The following SNTG1 variants were observed in gnomAD, a reference collection of about 807,000 sequenced individuals.
SNTG1 encodes the protein gamma-1-syntrophin.
Under a neutral mutation model 74.7 loss-of-function variants are expected in SNTG1, and 39 were observed. The observed-to-expected ratio is 0.52, with a 90% CI of 0.40 to 0.68. The LOEUF is 0.68. SNTG1 is among the 30% of genes least tolerant of loss of function. The probability of loss-of-function intolerance (pLI) is 0.00; values close to 1 mark genes in which losing one functional copy is unlikely to be tolerated. For missense variants in SNTG1, 685 were observed against 609.5 expected (o/e 1.12, Z -1.30); for synonymous variants, 254 against 217.1 (o/e 1.17, Z -1.49).
At chr8:50,242,315 AGTC>A (rs971269994) in intron 2 of SNTG1, among the ~76,000 whole-genome samples, 2 of 151,784 alleles carry the variant, frequency 1.3e-5, no homozygotes, top group African/African-American at 4.8e-5. Context: ...AATCGCTTGA[AGTC>A]AGGAGTTCAA....
intron 15 of SNTG1, among the ~76,000 whole-genome samples, chr8:50,694,987 A>G (rs565134084): frequency 6.6e-6 from 1 of 152,068 alleles, no homozygotes; most frequent in Admixed American, 6.5e-5. Context: ...TATTCTCAAC[A>G]AGGAAAAGTT....
chr8:49,998,249 G>A (rs961344715), intron 1 of SNTG1, among the ~76,000 whole-genome samples: 4 of 152,120 alleles, frequency 2.6e-5, no homozygotes, highest in South Asian at 2.1e-4. Flanking sequence ...GACTTGCCGT[G>A]GCTCTGGATA....
intron 2 of SNTG1, among the ~76,000 whole-genome samples, chr8:50,235,535 A>G (rs931174836): frequency 6.6e-6 from 1 of 152,222 alleles, no homozygotes; most frequent in African/African-American, 2.4e-5. Context: ...TAAGAAAAAA[A>G]TGTACAGTGA....
At chr8:50,728,772 T>C (rs2095505995) in intron 17 of SNTG1, among the ~76,000 whole-genome samples, 1 of 152,166 alleles carries the variant, frequency 6.6e-6, no homozygotes, top group Non-Finnish European at 1.5e-5. Flanking sequence ...TTGGGGCTTT[T>C]TCCTCGGACC....
chr8:50,569,066 T>A (rs560907181), intron 12 of SNTG1: 150 of 152,326 alleles, frequency 9.8e-4, no homozygotes, highest in African/African-American at 3.6e-3. Flanking sequence ...CTTCTCATTC[T>A]GTTTAACAAA....
chr8:50,532,402 C>T (rs1317686152), intron 10 of SNTG1, among the ~76,000 whole-genome samples: 1 of 152,120 alleles, frequency 6.6e-6, no homozygotes. Context: ...AGATCCAGAT[C>T]TATAGACAAA....
At chr8:49,916,896 G>A (rs1806091905) in intron 1 of SNTG1, among the ~76,000 whole-genome samples, 1 of 151,818 alleles carries the variant, frequency 6.6e-6, no homozygotes, top group South Asian at 2.1e-4. Context: ...TGTGGTGAAT[G>A]TGCCTGTAGT....
intron 18 of SNTG1, among the ~76,000 whole-genome samples, chr8:50,765,565 G>C (rs190642107): frequency 3.9e-5 from 6 of 151,966 alleles, no homozygotes; most frequent in Admixed American, 2.6e-4. Context: ...TGATACTTAG[G>C]AAGAGGAATA....
At chr8:50,568,677 C>A (rs771652955) in intron 12 of SNTG1, among the ~76,000 whole-genome samples, 1 of 151,920 alleles carries the variant, frequency 6.6e-6, no homozygotes, top group Admixed American at 6.6e-5. Flanking sequence ...ATTTTTTAAT[C>A]TGATTTTTTT....
intron 1 of SNTG1, among the ~76,000 whole-genome samples, chr8:50,037,318 C>A (rs547286310): frequency 5.9e-5 from 9 of 152,150 alleles, no homozygotes; most frequent in Non-Finnish European, 1.0e-4. Flanking sequence ...TGAAGATTTT[C>A]TTAAAATGGT....
chr8:50,265,813 T>A (rs1449771505), intron 2 of SNTG1, among the ~76,000 whole-genome samples: 1 of 151,386 alleles, frequency 6.6e-6, no homozygotes, highest in Non-Finnish European at 1.5e-5. Context: ...AACCTTTAAA[T>A]GAAATAAAAA....
chr8:50,269,780 G>A (rs183298481), intron 2 of SNTG1, among the ~76,000 whole-genome samples: 73 of 152,186 alleles, frequency 4.8e-4, no homozygotes, highest in African/African-American at 1.6e-3. Flanking sequence ...ATTCTGTAAG[G>A]TAGTCAGAAA....
chr8:50,341,879 T>G (rs2091328577), intron 2 of SNTG1, among the ~76,000 whole-genome samples: 1 of 152,070 alleles, frequency 6.6e-6, no homozygotes, highest in Non-Finnish European at 1.5e-5. Context: ...GTTAACTTTT[T>G]ATTCATTTTG....
chr8:50,730,784 T>C (rs536315980), intron 17 of SNTG1, among the ~76,000 whole-genome samples: 1 of 152,292 alleles, frequency 6.6e-6, no homozygotes, highest in Non-Finnish European at 1.5e-5. Flanking sequence ...TTCCATATCC[T>C]CCCAGAAGCA....
intron 2 of SNTG1, among the ~76,000 whole-genome samples, chr8:50,393,786 G>A (rs748122864): frequency 6.6e-6 from 1 of 152,146 alleles, no homozygotes; most frequent in Non-Finnish European, 1.5e-5. Flanking sequence ...AAAAGAGAGA[G>A]ATTAGTCAAT....
At chr8:50,206,080 A>C (rs1355835053) in intron 2 of SNTG1, among the ~76,000 whole-genome samples, 1 of 152,168 alleles carries the variant, frequency 6.6e-6, no homozygotes, top group African/African-American at 2.4e-5. Flanking sequence ...TGAACTTTAA[A>C]GTAGTTTTTT....
At chr8:50,530,390 C>T (rs1214566996) in intron 10 of SNTG1, 131 bp downstream of exon 10, 4 of 883,908 alleles carry the variant, frequency 4.5e-6, no homozygotes, top group African/African-American at 1.7e-5. Flanking sequence ...TTATGATAAA[C>T]AAGAAATGCA....
chr8:50,370,160 T>A (rs564621087), intron 2 of SNTG1, among the ~76,000 whole-genome samples: 1 of 152,306 alleles, frequency 6.6e-6, no homozygotes, highest in South Asian at 2.1e-4. Context: ...AATAAAAGGA[T>A]GAGTTCAGGA....
chr8:50,265,409 T>G (rs568664238), intron 2 of SNTG1, among the ~76,000 whole-genome samples: 1 of 152,090 alleles, frequency 6.6e-6, no homozygotes, highest in Non-Finnish European at 1.5e-5. Flanking sequence ...ACATTATTTG[T>G]CAAAATATAA....
Sources: gnomAD v4.1 joint callset for allele counts (sites outside exome capture counted in the v4.1 genomes callset) on GRCh38, gnomAD v4.1.1 for gene constraint, MANE v1.5 for transcripts, NCBI Gene and HGNC (gene_info 2026-07-23, HGNC 2026-07-21) for gene names.